The following SLC39A10 variants were observed in gnomAD, a reference collection of about 807,000 sequenced individuals.
SLC39A10 encodes the protein zinc transporter ZIP10.
In SLC39A10, 13 loss-of-function variants were observed where a neutral mutation model predicts 65.1. The ratio of observed to expected loss-of-function variants is 0.20; its 90% CI spans 0.13 to 0.32. The LOEUF is 0.32. SLC39A10 is among the 10% of genes least tolerant of loss of function. The pLI, the probability that SLC39A10 is intolerant of heterozygous loss-of-function variation, is 1.00. For synonymous variants in SLC39A10, 321 were observed against 342.2 expected, an observed-to-expected ratio of 0.94 and a Z score of 0.68; for missense variants, 831 against 1,018.4, an observed-to-expected ratio of 0.82 and a Z score of 2.50.
intron 1 of SLC39A10, among the ~76,000 whole-genome samples, chr2:195,672,234 A>G (rs1341586770): frequency 6.6e-6 from 1 of 151,970 alleles, no homozygotes; most frequent in Admixed American, 6.6e-5. Flanking sequence ...GGGTTCAATC[A>G]ATCCTCCCAC....
chr2:195,673,387 T>TG (rs1320878185), intron 1 of SLC39A10, among the ~76,000 whole-genome samples: 58 of 152,294 alleles, frequency 3.8e-4, no homozygotes, highest in African/African-American at 1.4e-3. Flanking sequence ...GTCTTGAACT[T>TG]GCGCTCAAGA....
At chr2:195,717,187 GT>G (rs1691847352) in intron 7 of SLC39A10, 182 bp downstream of exon 7, 1 of 646,740 alleles carries the variant, frequency 1.5e-6, no homozygotes. Context: ...ATTTAGTGGG[GT>G]TTTTTAGAAC....
chr2:195,706,543 A>T, intron 3 of SLC39A10, 73 bp from the exon 4 acceptor site: 1 of 1,380,272 alleles, frequency 7.2e-7, no homozygotes, highest in Non-Finnish European at 1.0e-6. Context: ...TTTATCTTAT[A>T]TTTTTATTCT....
intron 6 of SLC39A10, among the ~76,000 whole-genome samples, chr2:195,713,995 C>A (rs879855577): frequency 6.6e-6 from 1 of 152,034 alleles, no homozygotes; most frequent in Admixed American, 6.5e-5. Flanking sequence ...AGCGCCATCT[C>A]GGCTTACTGC....
intron 2 of SLC39A10, among the ~76,000 whole-genome samples, chr2:195,631,060 G>T (rs375223727): frequency 2.0e-5 from 3 of 152,128 alleles, no homozygotes; most frequent in African/African-American, 7.2e-5. Flanking sequence ...ACGGTGGCAG[G>T]CACCTGTAAT....
chr2:195,685,265 G>A (rs751084308), intron 3 of SLC39A10, among the ~76,000 whole-genome samples: 1 of 151,640 alleles, frequency 6.6e-6, no homozygotes, highest in Non-Finnish European at 1.5e-5. Context: ...AGTTAGTTCT[G>A]GTATCACCTT....
At position 195,716,821 on chromosome 2, in the gene SLC39A10, C is replaced by T. The variant is rs1334392761; in HGVS notation, c.1881C>T (p.Asn627=). 1 of 1,614,180 alleles carries T rather than the reference C, an allele frequency of 6.2e-7. No homozygotes were observed. ...HEHDLHAAAH[N]HHGENKTVLR... The stretch of plus-strand genomic sequence containing the variant: ...ATGATCTCCATGCTGCTGCACATAA[C>T]CACCACGGCGAGAACAAAACTGTGC... The change falls in exon 7 of 10, where the codon AAC becomes AAT. Residue 627 remains asparagine, a synonymous_variant. Coordinates refer to ENST00000359634, the MANE Select transcript of SLC39A10 (RefSeq NM_020342.3).
intron 5 of SLC39A10, 50 bp downstream of exon 5, chr2:195,708,894 AATT>A (rs1691503825): frequency 7.3e-7 from 1 of 1,375,750 alleles, no homozygotes; most frequent in African/African-American, 1.5e-5. Flanking sequence ...TCAAAACAAA[AATT>A]ATCCTTTTCT....
chr2:195,676,126 T>C (rs777854283), intron 1 of SLC39A10, among the ~76,000 whole-genome samples: 4 of 152,146 alleles, frequency 2.6e-5, no homozygotes, highest in Non-Finnish European at 5.9e-5. Flanking sequence ...TTATATACAT[T>C]GTTTATATAT....
At chr2:195,671,133 T>G (rs1489356555) in intron 1 of SLC39A10, among the ~76,000 whole-genome samples, 1 of 152,200 alleles carries the variant, frequency 6.6e-6, no homozygotes, top group Non-Finnish European at 1.5e-5. Context: ...TTAGTTCTGG[T>G]TTTAGTCTTA....
At chr2:195,700,743 A>G (rs772327859) in intron 3 of SLC39A10, among the ~76,000 whole-genome samples, 3 of 152,158 alleles carry the variant, frequency 2.0e-5, no homozygotes, top group Non-Finnish European at 4.4e-5. Context: ...GTATCGGTCT[A>G]TTGCCTTCTG....
intron 8 of SLC39A10, among the ~76,000 whole-genome samples, chr2:195,719,413 C>G (rs180848494): frequency 6.6e-6 from 1 of 152,296 alleles, no homozygotes; most frequent in East Asian, 1.9e-4. Context: ...TTATTGGACA[C>G]AGCACGTGGC....
intron 2 of SLC39A10, among the ~76,000 whole-genome samples, chr2:195,622,828 C>T (rs552190683): frequency 6.6e-6 from 1 of 152,026 alleles, no homozygotes; most frequent in African/African-American, 2.4e-5. Flanking sequence ...AAAAAATTGG[C>T]CAGGTGTGGT....
chr2:195,696,507 A>G (rs1383753700), intron 3 of SLC39A10, among the ~76,000 whole-genome samples: 2 of 152,088 alleles, frequency 1.3e-5, no homozygotes, highest in African/African-American at 4.8e-5. Context: ...ATACAAGAGT[A>G]AAAAAATAAC....
At chr2:195,734,739 T>C (rs187894488) in intron 9 of SLC39A10, 144 bp from the exon 10 acceptor site, 557 of 753,356 alleles carry the variant, frequency 7.4e-4, no homozygotes, top group Non-Finnish European at 1.1e-3. Flanking sequence ...ATACATCTGG[T>C]GGGTAGCATT....
At chr2:195,670,625 G>A (rs1025002297) in intron 1 of SLC39A10, among the ~76,000 whole-genome samples, 3 of 152,094 alleles carry the variant, frequency 2.0e-5, no homozygotes, top group Non-Finnish European at 4.4e-5. Context: ...TAGAGTGTGT[G>A]TAAAACCTGA....
At chr2:195,662,232 G>A (rs941350585) in intron 1 of SLC39A10, among the ~76,000 whole-genome samples, 12 of 151,082 alleles carry the variant, frequency 7.9e-5, no homozygotes, top group African/African-American at 2.7e-4. Context: ...CACTTTTAGT[G>A]TAGTAAGAAC....
At chr2:195,691,619 T>G (rs1394724861) in intron 3 of SLC39A10, among the ~76,000 whole-genome samples, 1 of 152,098 alleles carries the variant, frequency 6.6e-6, no homozygotes, top group Non-Finnish European at 1.5e-5. Context: ...GTAATTAGTG[T>G]TGTTGATCAT....
chr2:195,652,578 A>G (rs950699383), upstream of SLC39A10, among the ~76,000 whole-genome samples: 12 of 151,540 alleles, frequency 7.9e-5, no homozygotes, highest in Admixed American at 5.9e-4. Flanking sequence ...AGAAAATTTT[A>G]AAAAAAAGAT....
Sources: allele counts gnomAD v4.1 joint callset (sites outside exome capture counted in the v4.1 genomes callset), GRCh38; gene constraint gnomAD v4.1.1; transcripts MANE v1.5; gene names NCBI Gene and HGNC (gene_info 2026-07-23, HGNC 2026-07-21).